HS3ST5: variants seen among roughly 807,000 people sequenced by gnomAD.
The protein encoded by HS3ST5 is heparan sulfate glucosamine 3-O-sulfotransferase 5.
Under a neutral mutation model 25.4 loss-of-function variants are expected in HS3ST5, and 10 were observed. That is an observed-to-expected ratio of 0.39 (90% CI 0.24 to 0.67). HS3ST5 has a LOEUF of 0.67. Among genes scored for constraint, HS3ST5 ranks in the 30% least tolerant of loss-of-function variants. HS3ST5 has a pLI of 0.44. For synonymous variants in HS3ST5, 170 were observed against 162.4 expected (o/e 1.05, Z -0.36); for missense variants, 324 against 420.7 (o/e 0.77, Z 2.01).
chr6:114,281,317 G>C (rs1304561071), intron 1 of HS3ST5, among the ~76,000 whole-genome samples: 2 of 152,004 alleles, frequency 1.3e-5, no homozygotes, highest in Non-Finnish European at 2.9e-5. Context: ...GTTGTATAGT[G>C]TCAGATCTAA....
intron 3 of HS3ST5, among the ~76,000 whole-genome samples, chr6:114,122,918 A>G (rs867836166): frequency 4.6e-5 from 7 of 152,260 alleles, no homozygotes; most frequent in Admixed American, 1.3e-4. Flanking sequence ...TCTTATTTCA[A>G]TGTCAAGTGT....
At chr6:114,303,650 A>T (rs932914668) in intron 1 of HS3ST5, among the ~76,000 whole-genome samples, 2 of 152,166 alleles carry the variant, frequency 1.3e-5, no homozygotes, top group Admixed American at 1.3e-4. Context: ...ATCAGGGCAC[A>T]TTACATCATA....
intron 3 of HS3ST5, among the ~76,000 whole-genome samples, chr6:114,123,567 C>T (rs1307932719): frequency 2.0e-5 from 3 of 152,098 alleles, no homozygotes; most frequent in African/African-American, 7.2e-5. Flanking sequence ...TTTTGTCTTT[C>T]CTAACATAAG....
chr6:114,076,964 G>C (rs1774173737), intron 3 of HS3ST5, among the ~76,000 whole-genome samples: 1 of 152,164 alleles, frequency 6.6e-6, no homozygotes, highest in Non-Finnish European at 1.5e-5. Flanking sequence ...TGTTAGAAAT[G>C]AAAAGGAAAA....
intron 3 of HS3ST5, among the ~76,000 whole-genome samples, chr6:114,139,399 A>G (rs1777792546): frequency 6.6e-6 from 1 of 152,086 alleles, no homozygotes; most frequent in Admixed American, 6.6e-5. Flanking sequence ...AAAGTTCAAA[A>G]AAAAAAAAGA....
intron 3 of HS3ST5, among the ~76,000 whole-genome samples, chr6:114,148,838 C>T (rs1343059170): frequency 6.6e-6 from 1 of 152,084 alleles, no homozygotes. Flanking sequence ...TTGCAATCTA[C>T]CCATCTGACA....
At chr6:114,289,170 T>C (rs1242776316) in intron 1 of HS3ST5, among the ~76,000 whole-genome samples, 2 of 152,068 alleles carry the variant, frequency 1.3e-5, no homozygotes, top group Non-Finnish European at 2.9e-5. Flanking sequence ...ATCTATTTCA[T>C]AGAAGATATC....
intron 3 of HS3ST5, among the ~76,000 whole-genome samples, chr6:114,135,506 A>T (rs1008792210): frequency 6.6e-6 from 1 of 152,166 alleles, no homozygotes. Flanking sequence ...ACAGAACCGG[A>T]GCTGGAACAG....
At chr6:114,239,690 C>G (rs1292505230) in intron 1 of HS3ST5, among the ~76,000 whole-genome samples, 1 of 152,148 alleles carries the variant, frequency 6.6e-6, no homozygotes, top group East Asian at 1.9e-4. Context: ...GACACTGCAG[C>G]AGGCACAGGT....
At chr6:114,326,018 T>C (rs2114897930) in intron 1 of HS3ST5, among the ~76,000 whole-genome samples, 1 of 152,332 alleles carries the variant, frequency 6.6e-6, no homozygotes, top group African/African-American at 2.4e-5. Context: ...TACAAGGAAC[T>C]ACCCCTTATT....
chr6:114,100,525 T>G (rs1209591568), intron 3 of HS3ST5, among the ~76,000 whole-genome samples: 2 of 152,132 alleles, frequency 1.3e-5, no homozygotes, highest in Non-Finnish European at 1.5e-5. Flanking sequence ...ATAGGCAGCT[T>G]TTAACACTGC....
chr6:114,332,682 C>T (rs1176558759), intron 1 of HS3ST5, among the ~76,000 whole-genome samples: 2 of 151,970 alleles, frequency 1.3e-5, no homozygotes, highest in African/African-American at 2.4e-5. Flanking sequence ...ATAACATTAA[C>T]TCAATAGAGT....
In HS3ST5 at chr6:114,259,999, A is replaced by G. The variant is rs115706559; in HGVS notation, c.-338-31221T>C. 6.7e-3 allele frequency among the ~76,000 whole-genome samples: 1,025 copies of G among 152,332 alleles called. 14 individuals are homozygous for G. Among genetic ancestry groups the G allele is most frequent in the African/African-American group, 0.023 (976 of 41,578 alleles). On this transcript the variant is annotated intron_variant, in intron 1 of 4. Coordinates refer to ENST00000312719, the MANE Select transcript of HS3ST5 (RefSeq NM_153612.4). The stretch of plus-strand genomic sequence containing the variant: ...ATAAGTTATCAAGTTGAGTTATTCC[A>G]ATGTGTATTATGGTTTTTACACATA...
chr6:114,182,263 A>G (rs535677137), intron 2 of HS3ST5, among the ~76,000 whole-genome samples: 1 of 152,304 alleles, frequency 6.6e-6, no homozygotes, highest in African/African-American at 2.4e-5. Context: ...CATTTAGACA[A>G]TAACGGAATA....
At chr6:114,237,311 T>A (rs1771903338) in intron 1 of HS3ST5, among the ~76,000 whole-genome samples, 1 of 149,352 alleles carries the variant, frequency 6.7e-6, no homozygotes, top group Non-Finnish European at 1.5e-5. Flanking sequence ...AAGTCAAAAA[T>A]AAAACAAGAT....
chr6:114,130,420 T>C (rs1472180390), intron 3 of HS3ST5, among the ~76,000 whole-genome samples: 2 of 152,210 alleles, frequency 1.3e-5, no homozygotes, highest in Admixed American at 1.3e-4. Flanking sequence ...ACTTCTAAAG[T>C]TACCTATGCA....
At chr6:114,138,172 C>T (rs1459954887) in intron 3 of HS3ST5, among the ~76,000 whole-genome samples, 1 of 152,126 alleles carries the variant, frequency 6.6e-6, no homozygotes, top group Admixed American at 6.6e-5. Flanking sequence ...TACATTCATT[C>T]ATTGAACAAG....
intron 1 of HS3ST5, among the ~76,000 whole-genome samples, chr6:114,292,316 C>T (rs766304623): frequency 1.7e-4 from 26 of 152,226 alleles, no homozygotes; most frequent in African/African-American, 5.3e-4. Context: ...CTTCTTGCTG[C>T]GTTCTCACGT....
chr6:114,194,094 G>T (rs1472301972), intron 2 of HS3ST5, among the ~76,000 whole-genome samples: 1 of 151,892 alleles, frequency 6.6e-6, no homozygotes. Flanking sequence ...GAAGAGAAGA[G>T]AATCATATTG....
Sources: gnomAD v4.1 joint callset for allele counts (sites outside exome capture counted in the v4.1 genomes callset) on GRCh38, gnomAD v4.1.1 for gene constraint, MANE v1.5 for transcripts, NCBI Gene and HGNC (gene_info 2026-07-23, HGNC 2026-07-21) for gene names.